The following LPP variants were observed in gnomAD, a reference collection of about 807,000 sequenced individuals.
LPP encodes lipoma-preferred partner.
LPP carries 38 observed loss-of-function variants against 60.4 expected under a neutral mutation model. The ratio of observed to expected loss-of-function variants is 0.63; its 90% CI spans 0.49 to 0.83. The LOEUF (loss-of-function observed/expected upper bound fraction) is 0.83. LPP is among the 40% of genes least tolerant of loss of function. LPP has a pLI of 0.00. For missense variants in LPP, 902 were observed against 783.6 expected (o/e 1.15, Z -1.80); for synonymous variants, 328 against 290.8 (o/e 1.13, Z -1.30).
Position 188,889,617 on chromosome 3 carries a change from TA to T in LPP, c.*15142del. The T allele has an allele frequency of 4.4e-6, 1 of 226,666 alleles. No homozygotes were observed. The highest frequency in any genetic ancestry group is 8.8e-6 in the Non-Finnish European group (1 of 113,882). The allele number at this position is 226,666 out of a possible 1,614,324, so 14.0% of individuals were successfully genotyped here. On this transcript the variant is annotated 3_prime_UTR_variant, in exon 12 of 12. Transcript: ENST00000617246. ...CTAACCCAGTTTTACCAAATGGAAG[TA>T]AAAGGGGACAAACTATGGAAGATGG...
At chr3:188,667,488 A>G (rs955061546) in intron 7 of LPP, among the ~76,000 whole-genome samples, 2 of 151,248 alleles carry the variant, frequency 1.3e-5, no homozygotes, top group African/African-American at 4.9e-5. Context: ...AAAAAAAAAA[A>G]ACATCTTTGG....
At chr3:188,164,148 A>G (rs981257379) in intron 1 of LPP, among the ~76,000 whole-genome samples, 5 of 152,136 alleles carry the variant, frequency 3.3e-5, no homozygotes, top group African/African-American at 1.2e-4. Context: ...GAATTGCTGG[A>G]GCCTTTTGGA....
intron 6 of LPP, among the ~76,000 whole-genome samples, chr3:188,574,807 T>C (rs1834238171): frequency 6.6e-6 from 1 of 152,074 alleles, no homozygotes; most frequent in Non-Finnish European, 1.5e-5. Flanking sequence ...TCTTTTCTAA[T>C]AGAAATAAAG....
At chr3:188,809,323 C>T (rs1453999194) in intron 9 of LPP, among the ~76,000 whole-genome samples, 1 of 152,150 alleles carries the variant, frequency 6.6e-6, no homozygotes, top group Non-Finnish European at 1.5e-5. Context: ...GTTCCTATTT[C>T]TCCACAGCCT....
intron 1 of LPP, among the ~76,000 whole-genome samples, chr3:188,212,096 T>C (rs557872561): frequency 2.0e-5 from 3 of 152,248 alleles, no homozygotes; most frequent in African/African-American, 7.2e-5. Context: ...TGACCTCAGG[T>C]GATCCTCCCG....
intron 3 of LPP, among the ~76,000 whole-genome samples, chr3:188,387,104 A>G (rs949287671): frequency 4.6e-5 from 7 of 152,134 alleles, no homozygotes; most frequent in African/African-American, 2.4e-5. Flanking sequence ...TACAAACCTT[A>G]TATCTGTAAG....
intron 4 of LPP, among the ~76,000 whole-genome samples, chr3:188,454,909 G>GAATAAACC (rs1423136214): frequency 9.9e-5 from 15 of 152,148 alleles, no homozygotes; most frequent in Non-Finnish European, 5.9e-5. Context: ...GCCATGACTA[G>GAATAAACC]AATAAACCAC....
At chr3:188,297,628 A>G (rs1239750774) in intron 2 of LPP, among the ~76,000 whole-genome samples, 6 of 152,208 alleles carry the variant, frequency 3.9e-5, no homozygotes, top group African/African-American at 1.4e-4. Context: ...GTTATTAACT[A>G]AAATCTTTTC....
chr3:188,404,039 A>T (rs1021242285), intron 3 of LPP, among the ~76,000 whole-genome samples: 1 of 152,188 alleles, frequency 6.6e-6, no homozygotes, highest in Non-Finnish European at 1.5e-5. Flanking sequence ...TTTGTCATTG[A>T]TTCATGTTAT....
At chr3:188,636,343 T>C (rs960005244) in intron 7 of LPP, among the ~76,000 whole-genome samples, 1 of 152,172 alleles carries the variant, frequency 6.6e-6, no homozygotes. Flanking sequence ...ACTGCGCTTT[T>C]CCGACGGGCT....
At chr3:188,474,506 G>A (rs6444295) in intron 4 of LPP, among the ~76,000 whole-genome samples, 24,501 of 148,886 alleles carry the variant, frequency 0.16, 2,254 homozygotes, top group East Asian at 0.28. Flanking sequence ...ATGAAACCAC[G>A]CTCCCTCAGG....
intron 2 of LPP, among the ~76,000 whole-genome samples, chr3:188,308,109 G>T (rs1448469598): frequency 1.3e-5 from 2 of 152,142 alleles, no homozygotes; most frequent in East Asian, 1.9e-4. Flanking sequence ...GATGGTAGAG[G>T]ATTTACCAGT....
intron 7 of LPP, among the ~76,000 whole-genome samples, chr3:188,657,261 T>TATATATATATATATATATATATATATAAA (rs1251716839): frequency 7.9e-6 from 1 of 126,360 alleles, no homozygotes; most frequent in African/African-American, 3.6e-5. Flanking sequence ...TCAAGGTGTA[T>TATATATATATATATATATATATATATAAA]ATATATATAT....
intron 7 of LPP, among the ~76,000 whole-genome samples, chr3:188,622,561 CT>C (rs1189623124): frequency 1.3e-5 from 2 of 151,854 alleles, no homozygotes; most frequent in African/African-American, 4.8e-5. Flanking sequence ...TATATTACTG[CT>C]TTTTTTTAAG....
intron 2 of LPP, among the ~76,000 whole-genome samples, chr3:188,325,946 A>AAGAG (rs1758308910): frequency 6.6e-6 from 1 of 152,114 alleles, no homozygotes; most frequent in African/African-American, 2.4e-5. Flanking sequence ...AGAAAGAACA[A>AAGAG]AGAGTCTCTC....
At chr3:188,512,801 T>C (rs913013651) in intron 5 of LPP, among the ~76,000 whole-genome samples, 1 of 152,164 alleles carries the variant, frequency 6.6e-6, no homozygotes, top group Non-Finnish European at 1.5e-5. Context: ...TTCTAACTAT[T>C]TGAATTTTGG....
At chr3:188,357,840 A>G (rs767252776) in intron 3 of LPP, among the ~76,000 whole-genome samples, 11 of 152,222 alleles carry the variant, frequency 7.2e-5, no homozygotes, top group Non-Finnish European at 1.3e-4. Flanking sequence ...TATTTTACTT[A>G]TGCATCAACC....
intron 8 of LPP, chr3:188,711,230 A>G (rs1018970737): frequency 2.0e-5 from 3 of 152,218 alleles, no homozygotes; most frequent in African/African-American, 7.2e-5. Flanking sequence ...ATTTGGAAAA[A>G]TGGCTAACTT....
At chr3:188,261,377 C>G (rs1051456227) in intron 2 of LPP, among the ~76,000 whole-genome samples, 10 of 152,156 alleles carry the variant, frequency 6.6e-5, no homozygotes, top group Non-Finnish European at 1.5e-4. Flanking sequence ...CACACACATA[C>G]ACACATGCAA....
Sources: allele counts gnomAD v4.1 joint callset (sites outside exome capture counted in the v4.1 genomes callset), GRCh38; gene constraint gnomAD v4.1.1; transcripts MANE v1.5; gene names NCBI Gene and HGNC (gene_info 2026-07-23, HGNC 2026-07-21).